GSK3B: variants seen among roughly 807,000 people sequenced by gnomAD.
GSK3B encodes the protein glycogen synthase kinase-3 beta.
A neutral mutation model predicts 56.4 loss-of-function variants in GSK3B; 15 were observed. That is an observed-to-expected ratio of 0.27 (90% CI 0.18 to 0.41). The LOEUF is 0.41. Ranked by LOEUF, GSK3B falls within the 10% of genes least tolerant of loss-of-function variation. The pLI is 1.00. For synonymous variants in GSK3B, 181 were observed against 188.9 expected (o/e 0.96, Z 0.34); for missense variants, 300 against 513.4 (o/e 0.58, Z 4.02).
At chr3:119,889,531 C>A (rs2056478052) in intron 7 of GSK3B, among the ~76,000 whole-genome samples, 1 of 151,868 alleles carries the variant, frequency 6.6e-6, no homozygotes, top group Non-Finnish European at 1.5e-5. Context: ...AAATCCTAGA[C>A]CAACCTCTAA....
chr3:119,912,817 G>GA lies in GSK3B; in HGVS notation c.609-8dup, dbSNP rs757995891. On this transcript the variant is annotated splice_polypyrimidine_tract_variant and splice_region_variant and intron_variant, in intron 5 of 10. Coordinates refer to ENST00000264235, the MANE Select transcript of GSK3B (RefSeq NM_001146156.2). ...TCGGACCAGCTGCTTTGCACTAACA[G>GA]AAAAAAAATAAAAATAAAAAGCAGA... 130 of 1,446,264 alleles carry GA rather than the reference G, an allele frequency of 9.0e-5. No individual in the cohort carries two copies. Among genetic ancestry groups the GA allele is most frequent in the South Asian group, 1.1e-4 (9 of 79,632 alleles). The allele number at this position is 1,446,264 out of a possible 1,614,324, so 89.6% of individuals were successfully genotyped here.
chr3:120,030,708 G>C (rs889497513), intron 1 of GSK3B, among the ~76,000 whole-genome samples: 1 of 152,120 alleles, frequency 6.6e-6, no homozygotes, highest in Non-Finnish European at 1.5e-5. Context: ...CTTCTTCAGA[G>C]ATGCCTTCTC....
At chr3:119,872,319 A>G (rs976215674) in intron 8 of GSK3B, among the ~76,000 whole-genome samples, 6 of 152,160 alleles carry the variant, frequency 3.9e-5, no homozygotes, top group Non-Finnish European at 7.4e-5. Flanking sequence ...TCAAGAACAG[A>G]GTGACTAAAT....
chr3:119,989,475 T>C (rs2057543739), intron 2 of GSK3B, among the ~76,000 whole-genome samples: 2 of 151,820 alleles, frequency 1.3e-5, no homozygotes, highest in South Asian at 4.2e-4. Context: ...AAACCCCATC[T>C]CTACTTAAAA....
At chr3:119,840,999 A>G (rs189378046) in intron 10 of GSK3B, among the ~76,000 whole-genome samples, 1 of 152,332 alleles carries the variant, frequency 6.6e-6, no homozygotes, top group African/African-American at 2.4e-5. Context: ...AGCTCAGACC[A>G]ATATCTGAAA....
At chr3:119,933,461 T>G (rs1007083612) in intron 3 of GSK3B, among the ~76,000 whole-genome samples, 2 of 152,340 alleles carry the variant, frequency 1.3e-5, no homozygotes, top group Admixed American at 1.3e-4. Context: ...CGCTCGTGCA[T>G]GCATAAAATT....
rs751805152 is a variant in GSK3B, at chr3:119,825,925, A to C, written c.*863T>G. On this transcript the variant is annotated 3_prime_UTR_variant, in exon 11 of 11. Transcript: ENST00000264235. ...TCTGGGCTCATCAGCCTTTGACCTC[A>C]GCAGCTAGCTCAGCCTGCTCAACAC... 1 of 214,926 alleles carries C rather than the reference A, an allele frequency of 4.7e-6. No homozygotes were observed. Among genetic ancestry groups the C allele is most frequent in the Non-Finnish European group, 9.4e-6 (1 of 106,740 alleles). 13.3% of individuals were successfully genotyped at this position (214,926 alleles called of 1,614,324 possible).
intron 1 of GSK3B, among the ~76,000 whole-genome samples, chr3:120,006,448 A>C (rs547021374): frequency 1.3e-5 from 2 of 152,286 alleles, no homozygotes; most frequent in African/African-American, 4.8e-5. Context: ...CACCCCAAAT[A>C]AACAGAATAT....
intron 1 of GSK3B, among the ~76,000 whole-genome samples, chr3:120,061,942 C>T (rs114210378): frequency 0.085 from 12,979 of 152,016 alleles, 683 homozygotes; most frequent in Non-Finnish European, 0.11. Context: ...ATGTTGGTCA[C>T]GGTGGTCTCG....
intron 9 of GSK3B, among the ~76,000 whole-genome samples, chr3:119,849,407 A>G (rs1354603835): frequency 6.6e-6 from 1 of 152,210 alleles, no homozygotes; most frequent in East Asian, 1.9e-4. Context: ...CTCAATAACC[A>G]TGTGCTCGAT....
intron 1 of GSK3B, among the ~76,000 whole-genome samples, chr3:120,083,716 C>G (rs2058441076): frequency 6.6e-6 from 1 of 152,148 alleles, no homozygotes; most frequent in Non-Finnish European, 1.5e-5. Flanking sequence ...CAAATGTTCA[C>G]AGCAGCATAT....
chr3:120,003,284 A>G (rs1379479591), intron 1 of GSK3B, among the ~76,000 whole-genome samples: 4 of 152,112 alleles, frequency 2.6e-5, no homozygotes, highest in Non-Finnish European at 4.4e-5. Flanking sequence ...GCCACCTCCT[A>G]CTTCACTAGG....
At chr3:119,965,930 T>C (rs1440045950) in intron 2 of GSK3B, among the ~76,000 whole-genome samples, 1 of 152,158 alleles carries the variant, frequency 6.6e-6, no homozygotes, top group Non-Finnish European at 1.5e-5. Flanking sequence ...ACAGTTACTA[T>C]GTTTATAAAT....
intron 9 of GSK3B, among the ~76,000 whole-genome samples, chr3:119,858,514 C>G (rs2056052999): frequency 6.6e-6 from 1 of 152,194 alleles, no homozygotes; most frequent in South Asian, 2.1e-4. Context: ...CTCTCTCAGC[C>G]CTTACAGAAC....
intron 2 of GSK3B, among the ~76,000 whole-genome samples, chr3:119,985,187 T>C (rs2057503792): frequency 6.6e-6 from 1 of 152,076 alleles, no homozygotes; most frequent in Non-Finnish European, 1.5e-5. Context: ...ATGGAACGTA[T>C]CTCAAAATAA....
At position 119,952,226 on chromosome 3, in the gene GSK3B, G is replaced by A. The variant is rs144799855; in HGVS notation, c.283-4875C>T. ...GAACCGGCCAGGCACGGTGGCTCAC[G>A]TCTATAATCCCAGCACTTTGGGAGG... On this transcript the variant is annotated intron_variant, in intron 2 of 10. Transcript: ENST00000264235. 4.1e-4 allele frequency among the ~76,000 whole-genome samples: 63 copies of A among 152,168 alleles called. No homozygotes were observed. In the East Asian group the frequency reaches 0.011, roughly 26 times the overall value.
chr3:119,867,417 T>C (rs1577326310), intron 8 of GSK3B, among the ~76,000 whole-genome samples: 2 of 152,162 alleles, frequency 1.3e-5, no homozygotes, highest in Non-Finnish European at 2.9e-5. Flanking sequence ...ACCCGGTACT[T>C]AGGAAAAATA....
chr3:119,903,763 G>C (rs1347648505), intron 7 of GSK3B, among the ~76,000 whole-genome samples: 2 of 152,142 alleles, frequency 1.3e-5, no homozygotes, highest in African/African-American at 4.8e-5. Flanking sequence ...ATAATCAGTA[G>C]AGAAATGATA....
intron 2 of GSK3B, among the ~76,000 whole-genome samples, chr3:119,963,102 C>T (rs577675888): frequency 3.9e-5 from 6 of 152,118 alleles, no homozygotes; most frequent in Non-Finnish European, 8.8e-5. Context: ...ACATTTACAA[C>T]AGCAACAAAC....
Sources: gnomAD v4.1 joint callset for allele counts (sites outside exome capture counted in the v4.1 genomes callset) on GRCh38, gnomAD v4.1.1 for gene constraint, MANE v1.5 for transcripts, NCBI Gene and HGNC (gene_info 2026-07-23, HGNC 2026-07-21) for gene names.